GRIK2: variants seen among roughly 807,000 people sequenced by gnomAD.
The protein encoded by GRIK2 is glutamate receptor ionotropic, kainate 2.
GRIK2 carries 32 observed loss-of-function variants against 100.3 expected under a neutral mutation model. That is an observed-to-expected ratio of 0.32 (90% CI 0.24 to 0.43). The LOEUF (loss-of-function observed/expected upper bound fraction) is 0.43, where lower values mean the gene tolerates loss of function less well. Ranked by LOEUF, GRIK2 falls within the 20% of genes least tolerant of loss-of-function variation. The pLI is 1.00. For missense variants in GRIK2, 843 were observed against 1,114.9 expected, an observed-to-expected ratio of 0.76 and a Z score of 3.47; for synonymous variants, 417 against 389.4, an observed-to-expected ratio of 1.07 and a Z score of -0.83.
chr6:101,536,868 A>C (rs1363700678), intron 2 of GRIK2, among the ~76,000 whole-genome samples: 1 of 151,716 alleles, frequency 6.6e-6, no homozygotes, highest in Non-Finnish European at 1.5e-5. Flanking sequence ...TCAATGTCCC[A>C]TTATTGCAAT....
intron 2 of GRIK2, among the ~76,000 whole-genome samples, chr6:101,603,442 G>C (rs552464534): frequency 7.9e-5 from 12 of 151,442 alleles, no homozygotes; most frequent in Non-Finnish European, 1.6e-4. Context: ...ATTTTGGTTG[G>C]GCTACTGAAG....
At chr6:101,412,603 C>T (rs1256342385) in intron 2 of GRIK2, among the ~76,000 whole-genome samples, 4 of 151,924 alleles carry the variant, frequency 2.6e-5, no homozygotes, top group African/African-American at 9.7e-5. Flanking sequence ...CTATGTTTAG[C>T]AATATGTGTC....
chr6:101,797,159 AATAG>A (rs1337396462), intron 7 of GRIK2, among the ~76,000 whole-genome samples: 2 of 151,458 alleles, frequency 1.3e-5, no homozygotes, highest in South Asian at 2.1e-4. Flanking sequence ...TTTTTTCCAT[AATAG>A]ATCAACATTT....
chr6:101,542,965 T>G (rs1776076060), intron 2 of GRIK2, among the ~76,000 whole-genome samples: 1 of 152,166 alleles, frequency 6.6e-6, no homozygotes, highest in Admixed American at 6.6e-5. Context: ...ATACCTTCTC[T>G]TAATGGATAA....
At chr6:101,760,585 TAA>T (rs1734490814) in intron 7 of GRIK2, among the ~76,000 whole-genome samples, 1 of 88,774 alleles carries the variant, frequency 1.1e-5, no homozygotes, top group Non-Finnish European at 1.9e-5. Context: ...TAATTATATA[TAA>T]TTATATATAA....
At chr6:101,495,217 A>G (rs1280753797) in intron 2 of GRIK2, among the ~76,000 whole-genome samples, 2 of 151,928 alleles carry the variant, frequency 1.3e-5, no homozygotes, top group East Asian at 3.9e-4. Flanking sequence ...TTTAAGTTGC[A>G]GATAAAGGCC....
At chr6:101,941,538 C>A (rs1790954599) in intron 14 of GRIK2, among the ~76,000 whole-genome samples, 1 of 151,048 alleles carries the variant, frequency 6.6e-6, no homozygotes, top group Admixed American at 6.6e-5. Context: ...AGGAAGTTAA[C>A]CAAAGTTAGA....
intron 12 of GRIK2, among the ~76,000 whole-genome samples, chr6:101,916,216 T>TA (rs999522273): frequency 2.6e-5 from 4 of 151,420 alleles, no homozygotes; most frequent in African/African-American, 7.3e-5. Flanking sequence ...TGGCAGTAAA[T>TA]AAAAAATAAC....
At chr6:102,050,422 G>A (rs1203671718) in intron 15 of GRIK2, among the ~76,000 whole-genome samples, 1 of 152,026 alleles carries the variant, frequency 6.6e-6, no homozygotes, top group South Asian at 2.1e-4. Context: ...GGGAGGCCAA[G>A]GCGGGTGGAT....
At chr6:101,665,396 C>A (rs942598103) in intron 4 of GRIK2, among the ~76,000 whole-genome samples, 16 of 152,298 alleles carry the variant, frequency 1.1e-4, no homozygotes, top group African/African-American at 3.6e-4. Flanking sequence ...CTCCACCTGG[C>A]CAAGAGAAGC....
At chr6:101,992,329 T>C (rs1291301979) in intron 14 of GRIK2, among the ~76,000 whole-genome samples, 1 of 151,580 alleles carries the variant, frequency 6.6e-6, no homozygotes, top group Non-Finnish European at 1.5e-5. Flanking sequence ...AAAAGGGTGA[T>C]ATATTCTAAT....
At chr6:101,947,494 A>G (rs1025196985) in intron 14 of GRIK2, among the ~76,000 whole-genome samples, 9 of 152,162 alleles carry the variant, frequency 5.9e-5, no homozygotes, top group African/African-American at 2.2e-4. Flanking sequence ...TAAAACAAGT[A>G]TTTTTTAAGG....
chr6:101,582,249 C>T (rs1265959156), intron 2 of GRIK2, among the ~76,000 whole-genome samples: 1 of 150,890 alleles, frequency 6.6e-6, no homozygotes, highest in Non-Finnish European at 1.5e-5. Context: ...GCCAACAGGC[C>T]CCGGTATGTT....
In GRIK2 at chr6:101,407,697, C is replaced by T. The variant is rs140556893; in HGVS notation, c.115+8305C>T. 5.1e-4 allele frequency among the ~76,000 whole-genome samples: 77 copies of T among 152,118 alleles called. No homozygotes were observed. In the East Asian group the frequency reaches 0.013, roughly 26 times the overall value. On this transcript the variant is annotated intron_variant, in intron 2 of 16. Coordinates refer to ENST00000369134, the MANE Select transcript of GRIK2 (RefSeq NM_021956.5). ...GCTTTTGCTGCATCCATTCATTCAA[C>T]AATATTAAAGTGAGCACATATTATG... is the stretch of plus-strand genomic sequence containing the variant.
At chr6:101,438,462 T>G (rs1002026773) in intron 2 of GRIK2, among the ~76,000 whole-genome samples, 28 of 152,144 alleles carry the variant, frequency 1.8e-4, no homozygotes, top group East Asian at 1.2e-3. Flanking sequence ...TAATGCCTCC[T>G]GTAAATAGCT....
At chr6:101,901,924 A>C (rs941791257) in intron 12 of GRIK2, among the ~76,000 whole-genome samples, 9 of 152,006 alleles carry the variant, frequency 5.9e-5, no homozygotes, top group African/African-American at 2.2e-4. Flanking sequence ...AATGTTAGGT[A>C]CAAAAATCCT....
chr6:101,886,416 G>C lies in GRIK2; in HGVS notation c.1525-3224G>C, dbSNP rs150748853. The stretch of plus-strand genomic sequence containing the variant: ...TGGCTAATATCTTTCATAATTAAAA[G>C]TATTATAGTATTACATAATTTCTAT... On this transcript the variant is annotated intron_variant, in intron 11 of 16. Transcript: ENST00000369134. 7.5e-3 allele frequency among the ~76,000 whole-genome samples: 1,130 copies of C among 151,604 alleles called. 18 individuals carry two copies. Among genetic ancestry groups the C allele is most frequent in the African/African-American group, 0.025 (1,036 of 41,334 alleles).
At chr6:101,699,256 G>A (rs930568016) in intron 7 of GRIK2, among the ~76,000 whole-genome samples, 21 of 152,080 alleles carry the variant, frequency 1.4e-4, no homozygotes, top group African/African-American at 5.1e-4. Context: ...CTTGAGTGTT[G>A]AAGGCCATTT....
At chr6:101,428,098 T>G (rs1469646791) in intron 2 of GRIK2, among the ~76,000 whole-genome samples, 1 of 152,216 alleles carries the variant, frequency 6.6e-6, no homozygotes, top group East Asian at 1.9e-4. Flanking sequence ...ATCCACATTT[T>G]ATCACCTATG....
Sources: allele counts gnomAD v4.1 joint callset (sites outside exome capture counted in the v4.1 genomes callset), GRCh38; gene constraint gnomAD v4.1.1; transcripts MANE v1.5; gene names NCBI Gene and HGNC (gene_info 2026-07-23, HGNC 2026-07-21).